The following KCNMA1 variants were observed in gnomAD, a reference collection of about 807,000 sequenced individuals.
KCNMA1 encodes the protein Calcium-activated potassium channel subunit alpha-1.
In KCNMA1, 29 loss-of-function variants were observed where a neutral mutation model predicts 140.0. The ratio of observed to expected loss-of-function variants is 0.21; its 90% CI spans 0.15 to 0.28. The LOEUF (loss-of-function observed/expected upper bound fraction) is 0.28. Among genes scored for constraint, KCNMA1 ranks in the 10% least tolerant of loss-of-function variants. The pLI is 1.00. For missense variants in KCNMA1, 880 were observed against 1,602.2 expected (o/e 0.55, Z 7.70); for synonymous variants, 612 against 611.9 (o/e 1.00, Z 0.00).
At position 76,884,892 on chromosome 10, in the gene KCNMA1, CTTT is replaced by C; in HGVS notation, c.*2371_*2373del. ...AATAACAGAATAAAATTTGTAACTC[CTTT>C]TTTTTTAATTTCACAAAAGTTTTCA... On this transcript the variant is annotated 3_prime_UTR_variant, in exon 28 of 28. Coordinates refer to ENST00000286628, the MANE Select transcript of KCNMA1 (RefSeq NM_001161352.2). 7.2e-7 allele frequency: 1 copy of C among 1,385,222 alleles called. No homozygotes were observed. The highest frequency in any genetic ancestry group is 2.8e-5 in the East Asian group (1 of 35,108). The allele number at this position is 1,385,222 out of a possible 1,614,324, so 85.8% of individuals were successfully genotyped here.
At chr10:76,884,680 CA>C, downstream of KCNMA1, 1 of 282,510 alleles carries the variant, frequency 3.5e-6, no homozygotes, top group Non-Finnish European at 6.5e-6. Context: ...CCAAGAACAC[CA>C]AAACAAACTC....
intron 19 of KCNMA1, among the ~76,000 whole-genome samples, chr10:76,985,143 C>T (rs1051599836): frequency 6.6e-6 from 1 of 152,214 alleles, no homozygotes; most frequent in Non-Finnish European, 1.5e-5. Flanking sequence ...TTCTAACACA[C>T]TGGTTGTAGT....
At chr10:77,112,100 A>C (rs763028764) in intron 7 of KCNMA1, among the ~76,000 whole-genome samples, 1 of 152,192 alleles carries the variant, frequency 6.6e-6, no homozygotes, top group Non-Finnish European at 1.5e-5. Flanking sequence ...TGCAGACAGA[A>C]GGAAAATCTA....
intron 23 of KCNMA1, among the ~76,000 whole-genome samples, chr10:76,940,417 T>G (rs1313429517): frequency 6.6e-6 from 1 of 152,224 alleles, no homozygotes; most frequent in Non-Finnish European, 1.5e-5. Flanking sequence ...ACTTTCTCAA[T>G]GTGAATGCAC....
chr10:77,089,364 C>T (rs941051617), intron 10 of KCNMA1, among the ~76,000 whole-genome samples: 3 of 152,142 alleles, frequency 2.0e-5, no homozygotes, highest in Admixed American at 6.5e-5. Flanking sequence ...CTGGACTTTG[C>T]GATGTGGTGC....
At chr10:77,392,601 G>C (rs1196152973) in intron 2 of KCNMA1, among the ~76,000 whole-genome samples, 2 of 152,250 alleles carry the variant, frequency 1.3e-5, no homozygotes, top group Admixed American at 1.3e-4. Context: ...CATATGTCCA[G>C]CACATTGAAC....
intron 1 of KCNMA1, among the ~76,000 whole-genome samples, chr10:77,571,384 G>C (rs2071227663): frequency 6.6e-6 from 1 of 152,204 alleles, no homozygotes; most frequent in South Asian, 2.1e-4. Flanking sequence ...AGGAACTCTG[G>C]TGTGACCAAC....
chr10:77,601,621 G>T (rs1486418748), intron 1 of KCNMA1, among the ~76,000 whole-genome samples: 2 of 152,190 alleles, frequency 1.3e-5, no homozygotes, highest in Non-Finnish European at 2.9e-5. Flanking sequence ...TCTGCATTTG[G>T]TTCCAAGACA....
chr10:76,949,151 G>A lies in KCNMA1; in HGVS notation c.2700C>T (p.Ser900=), dbSNP rs1480342842. Residue 900 remains serine (S), a synonymous_variant, in exon 22 of 28, where the codon TCC becomes TCT. Transcript: ENST00000286628. The stretch of plus-strand genomic sequence containing the variant: ...GTGACCTTGGACTTACAGGCAATAT[G>A]GACACTTTGGGGAAGTTATGAAGCG... ...WETLHNFPKV[S]ILPGTPLSRA... 6.2e-7 allele frequency: 1 copy of A among 1,612,268 alleles called. No homozygotes were observed. The highest frequency in any genetic ancestry group is 1.7e-5 in the Admixed American group (1 of 60,014).
At chr10:77,096,520 C>T (rs573512198) in intron 9 of KCNMA1, among the ~76,000 whole-genome samples, 4 of 152,314 alleles carry the variant, frequency 2.6e-5, no homozygotes, top group East Asian at 1.9e-4. Context: ...TCAGGTTCTG[C>T]GAGGGCGGGG....
At chr10:77,583,996 T>C (rs778799239) in intron 1 of KCNMA1, among the ~76,000 whole-genome samples, 13 of 152,242 alleles carry the variant, frequency 8.5e-5, no homozygotes, top group Non-Finnish European at 1.5e-4. Context: ...GGGGGCTGGA[T>C]TTATGGGGTA....
At chr10:76,889,842 G>T in intron 26 of KCNMA1, 2 of 509,178 alleles carry the variant, frequency 3.9e-6, no homozygotes, top group South Asian at 2.1e-5. Flanking sequence ...GCTCTAAGGA[G>T]ATTATGCTTC....
At chr10:77,306,368 G>A (rs897183750) in intron 2 of KCNMA1, among the ~76,000 whole-genome samples, 1 of 152,214 alleles carries the variant, frequency 6.6e-6, no homozygotes, top group Admixed American at 6.5e-5. Flanking sequence ...TCTGGTAGGG[G>A]TGATGCCCAA....
intron 2 of KCNMA1, among the ~76,000 whole-genome samples, chr10:77,351,565 C>T (rs2092889424): frequency 6.6e-6 from 1 of 152,142 alleles, no homozygotes; most frequent in South Asian, 2.1e-4. Flanking sequence ...TGTAGTCTGC[C>T]CCTTGCTTTC....
At chr10:77,082,007 C>CTTTTTTTTTT (rs201288668) in intron 12 of KCNMA1, among the ~76,000 whole-genome samples, 4 of 32,512 alleles carry the variant, frequency 1.2e-4, no homozygotes, top group Admixed American at 3.6e-4. Context: ...TTTTTCTTTT[C>CTTTTTTTTTT]TTTTTTTTTT....
intron 1 of KCNMA1, among the ~76,000 whole-genome samples, chr10:77,580,153 G>C (rs993032813): frequency 1.3e-5 from 2 of 152,052 alleles, no homozygotes; most frequent in African/African-American, 4.8e-5. Flanking sequence ...AGGCCGAGGC[G>C]GGCAGATCAC....
At chr10:77,133,822 A>T (rs527499755) in intron 5 of KCNMA1, among the ~76,000 whole-genome samples, 37 of 152,202 alleles carry the variant, frequency 2.4e-4, no homozygotes, top group Non-Finnish European at 5.3e-4. Context: ...AGCCATGAGC[A>T]GTCTCAAAAA....
At chr10:77,329,268 CT>C (rs2154363502) in intron 2 of KCNMA1, among the ~76,000 whole-genome samples, 1 of 152,310 alleles carries the variant, frequency 6.6e-6, no homozygotes, top group South Asian at 2.1e-4. Context: ...TTGGCTACTG[CT>C]ATGGTCTGAA....
At chr10:77,149,070 C>T (rs2098369933) in intron 5 of KCNMA1, among the ~76,000 whole-genome samples, 1 of 152,184 alleles carries the variant, frequency 6.6e-6, no homozygotes, top group Non-Finnish European at 1.5e-5. Context: ...TCCTTGAGGT[C>T]AAGGTCTCTG....
Sources: allele counts gnomAD v4.1 joint callset (sites outside exome capture counted in the v4.1 genomes callset), GRCh38; gene constraint gnomAD v4.1.1; transcripts MANE v1.5; gene names NCBI Gene and HGNC (gene_info 2026-07-23, HGNC 2026-07-21).